PRR16: variants seen among roughly 807,000 people sequenced by gnomAD.
PRR16 encodes the protein proline rich 16.
PRR16 carries 6 observed loss-of-function variants against 18.2 expected under a neutral mutation model. The observed-to-expected ratio is 0.33, with a 90% confidence interval of 0.18 to 0.65. The LOEUF is 0.65. Among genes scored for constraint, PRR16 ranks in the 30% least tolerant of loss-of-function variants. PRR16 has a pLI of 0.74. For missense variants in PRR16, 412 were observed against 376.6 expected (o/e 1.09, Z -0.78); for synonymous variants, 151 against 147.8 (o/e 1.02, Z -0.16).
chr5:120,487,362 C>G (rs1452096126), intron 1 of PRR16, among the ~76,000 whole-genome samples: 1 of 152,164 alleles, frequency 6.6e-6, no homozygotes, highest in Non-Finnish European at 1.5e-5. Flanking sequence ...AGGTCCTTCA[C>G]ATCCCTTGTA....
At chr5:120,741,694 C>T in the PRR16 span, among the ~76,000 whole-genome samples, 84 of 152,236 alleles carry the variant, frequency 5.5e-4, no homozygotes, top group African/African-American at 1.5e-3. Flanking sequence ...CTCCGCCTCC[C>T]TGGTTCAAGC....
chr5:120,566,542 G>A (rs1034806508), intron 1 of PRR16, among the ~76,000 whole-genome samples: 1 of 152,168 alleles, frequency 6.6e-6, no homozygotes, highest in African/African-American at 2.4e-5. Context: ...TTAGTACTAT[G>A]TTGTTTGCTG....
At chr5:120,756,654 A>G in the PRR16 span, among the ~76,000 whole-genome samples, 1 of 151,690 alleles carries the variant, frequency 6.6e-6, no homozygotes, top group Admixed American at 6.6e-5. Flanking sequence ...CTTTTGCTTA[A>G]TTGTTTAAGT....
chr5:120,516,399 G>A (rs571512507), intron 1 of PRR16, among the ~76,000 whole-genome samples: 1 of 146,342 alleles, frequency 6.8e-6, no homozygotes, highest in South Asian at 2.2e-4. Flanking sequence ...ATTCCAGCCT[G>A]GGTGACAGGG....
chr5:120,614,549 A>G (rs1247731142), intron 1 of PRR16, among the ~76,000 whole-genome samples: 1 of 152,204 alleles, frequency 6.6e-6, no homozygotes, highest in African/African-American at 2.4e-5. Flanking sequence ...TCAAACATTC[A>G]CCAGATAATT....
intron 1 of PRR16, among the ~76,000 whole-genome samples, chr5:120,591,525 C>T (rs944928139): frequency 1.3e-5 from 2 of 151,702 alleles, no homozygotes; most frequent in African/African-American, 2.4e-5. Context: ...GAACTCTATA[C>T]ATTATAAATT....
At chr5:120,667,403 C>T (rs1580855646) in intron 1 of PRR16, among the ~76,000 whole-genome samples, 1 of 151,962 alleles carries the variant, frequency 6.6e-6, no homozygotes, top group Non-Finnish European at 1.5e-5. Context: ...TTTAAAAAAC[C>T]AGCTCCTGGA....
chr5:120,776,605 T>A, the PRR16 span, among the ~76,000 whole-genome samples: 1 of 152,288 alleles, frequency 6.6e-6, no homozygotes. Context: ...CATGATTTCC[T>A]GTTTCATGTA....
chr5:120,483,081 A>G (rs1269081161), intron 1 of PRR16, among the ~76,000 whole-genome samples: 1 of 152,140 alleles, frequency 6.6e-6, no homozygotes, highest in Non-Finnish European at 1.5e-5. Context: ...ACAAACGTTC[A>G]TTTGTCTAAC....
At chr5:120,710,182 A>G in the PRR16 span, among the ~76,000 whole-genome samples, 4 of 152,116 alleles carry the variant, frequency 2.6e-5, no homozygotes, top group African/African-American at 9.7e-5. Context: ...CTTGGATGAA[A>G]TGATATATTT....
At chr5:120,473,541 C>A (rs1749338506) in intron 1 of PRR16, among the ~76,000 whole-genome samples, 1 of 152,192 alleles carries the variant, frequency 6.6e-6, no homozygotes, top group East Asian at 1.9e-4. Flanking sequence ...TAAATGAGTT[C>A]TTTGTAGAAC....
chr5:120,577,562 T>C (rs1191897319), intron 1 of PRR16, among the ~76,000 whole-genome samples: 1 of 152,118 alleles, frequency 6.6e-6, no homozygotes, highest in Non-Finnish European at 1.5e-5. Flanking sequence ...ACACTACCTC[T>C]TAGGAGTTTG....
intron 1 of PRR16, among the ~76,000 whole-genome samples, chr5:120,595,268 G>T (rs780124920): frequency 5.5e-4 from 83 of 151,900 alleles, no homozygotes; most frequent in South Asian, 8.3e-4. Flanking sequence ...TCATTAAAAA[G>T]TGGGCAAATA....
At chr5:120,761,657 G>C in the PRR16 span, among the ~76,000 whole-genome samples, 1 of 151,944 alleles carries the variant, frequency 6.6e-6, no homozygotes, top group Non-Finnish European at 1.5e-5. Flanking sequence ...TATATGCCTA[G>C]AATGTGTAAT....
intron 1 of PRR16, among the ~76,000 whole-genome samples, chr5:120,597,340 A>G (rs1022283895): frequency 6.6e-6 from 1 of 151,628 alleles, no homozygotes; most frequent in African/African-American, 2.4e-5. Context: ...TAAGAAGTCC[A>G]TTTGTATTCC....
chr5:120,656,212 C>T (rs1755969485), intron 1 of PRR16, among the ~76,000 whole-genome samples: 1 of 151,862 alleles, frequency 6.6e-6, no homozygotes, highest in Non-Finnish European at 1.5e-5. Flanking sequence ...TTTCTGCTGA[C>T]TGAAGTTCTG....
At chr5:120,762,864 G>A in the PRR16 span, among the ~76,000 whole-genome samples, 2 of 152,118 alleles carry the variant, frequency 1.3e-5, no homozygotes, top group Admixed American at 6.5e-5. Context: ...TACGAATGTC[G>A]TTATTTTTCT....
chr5:120,774,916 C>CCAGCCA, the PRR16 span, among the ~76,000 whole-genome samples: 1 of 152,182 alleles, frequency 6.6e-6, no homozygotes, highest in South Asian at 2.1e-4. Context: ...ACTTCAAAAA[C>CCAGCCA]CAGCCACTGG....
At chr5:120,598,169 G>A (rs1422509333) in intron 1 of PRR16, among the ~76,000 whole-genome samples, 2 of 151,748 alleles carry the variant, frequency 1.3e-5, no homozygotes, top group African/African-American at 4.8e-5. Context: ...GCCTTTCTAT[G>A]TATTTGGAAC....
Sources: gnomAD v4.1 joint callset for allele counts (sites outside exome capture counted in the v4.1 genomes callset) on GRCh38, gnomAD v4.1.1 for gene constraint, MANE v1.5 for transcripts, NCBI Gene and HGNC (gene_info 2026-07-23, HGNC 2026-07-21) for gene names.